The following LARGE1 variants were observed in gnomAD, a reference collection of about 807,000 sequenced individuals.
LARGE1 encodes the protein LARGE xylosyl- and glucuronyltransferase 1.
A neutral mutation model predicts 87.6 loss-of-function variants in LARGE1; 43 were observed. The observed-to-expected ratio is 0.49, with a 90% CI of 0.38 to 0.63. The LOEUF is 0.63. Among genes scored for constraint, LARGE1 ranks in the 30% least tolerant of loss-of-function variants. The pLI is 0.00. For missense variants in LARGE1, 802 were observed against 1,000.2 expected, an observed-to-expected ratio of 0.80 and a Z score of 2.67; for synonymous variants, 434 against 394.6, an observed-to-expected ratio of 1.10 and a Z score of -1.18.
chr22:33,864,952 T>G (rs910196133), intron 1 of LARGE1, among the ~76,000 whole-genome samples: 1 of 152,192 alleles, frequency 6.6e-6, no homozygotes, highest in African/African-American at 2.4e-5. Flanking sequence ...CTACTTCTGC[T>G]CCTGACCTGG....
the LARGE1 span, among the ~76,000 whole-genome samples, chr22:33,128,684 A>AAC: frequency 1.3e-5 from 1 of 78,440 alleles, no homozygotes; most frequent in Non-Finnish European, 2.9e-5. Context: ...CAAAAACAAA[A>AAC]AAAAAAAAAA....
At chr22:33,816,114 G>A (rs2086639839) in intron 1 of LARGE1, among the ~76,000 whole-genome samples, 1 of 152,136 alleles carries the variant, frequency 6.6e-6, no homozygotes, top group South Asian at 2.1e-4. Flanking sequence ...AAGAGTGATG[G>A]GAACTCCAGG....
In LARGE1 at chr22:33,754,262, C is replaced by T. The variant is rs190317509; in HGVS notation, c.106+7109G>A. Among the ~76,000 whole-genome samples, 36 of 152,282 alleles carry T rather than the reference C, an allele frequency of 2.4e-4. No individual in the cohort carries two copies. The East Asian group carries it at 6.2e-3, about 26-fold the overall frequency. Reference sequence around the variant, plus strand: ...GGCACTATTCAGAGCAGCCCACTTGCATGCTCACATTTTCATTTGTTGCAA... The same window carrying T: ...GGCACTATTCAGAGCAGCCCACTTGTATGCTCACATTTTCATTTGTTGCAA... On this transcript the variant is annotated intron_variant, in intron 2 of 14. Transcript: ENST00000397394.
At chr22:33,698,723 C>T (rs2082326136) in intron 2 of LARGE1, among the ~76,000 whole-genome samples, 1 of 152,210 alleles carries the variant, frequency 6.6e-6, no homozygotes, top group Non-Finnish European at 1.5e-5. Context: ...CAGCTGGCTT[C>T]CTTGCTGATC....
chr22:33,357,557 G>A (rs1941008906), intron 9 of LARGE1, among the ~76,000 whole-genome samples: 1 of 152,154 alleles, frequency 6.6e-6, no homozygotes, highest in East Asian at 1.9e-4. Context: ...CACTTTGGGA[G>A]GCTGAGTCAG....
At chr22:33,606,516 T>C (rs2148989709) in intron 4 of LARGE1, among the ~76,000 whole-genome samples, 1 of 152,170 alleles carries the variant, frequency 6.6e-6, no homozygotes, top group East Asian at 1.9e-4. Flanking sequence ...CTCTCGGCCG[T>C]CGGCATGGTC....
chr22:33,859,783 G>A (rs2063859497), intron 1 of LARGE1, among the ~76,000 whole-genome samples: 1 of 152,198 alleles, frequency 6.6e-6, no homozygotes, highest in Non-Finnish European at 1.5e-5. Context: ...GTGCTATGTG[G>A]CATACATATA....
chr22:33,255,385 G>A (rs1029732156), intron 11 of LARGE1, among the ~76,000 whole-genome samples: 1 of 152,180 alleles, frequency 6.6e-6, no homozygotes, highest in Non-Finnish European at 1.5e-5. Context: ...GGAACAACGC[G>A]TGGACACTCT....
chr22:33,640,086 G>A (rs768254946), intron 3 of LARGE1, among the ~76,000 whole-genome samples: 2 of 152,196 alleles, frequency 1.3e-5, no homozygotes, highest in East Asian at 1.9e-4. Context: ...GCCCTGCACC[G>A]TGACAGGATG....
At chr22:33,089,368 T>TCTTCTCCTC in the LARGE1 span, among the ~76,000 whole-genome samples, 699 of 78,272 alleles carry the variant, frequency 8.9e-3, 16 homozygotes, top group African/African-American at 0.028. Context: ...TTCTTCTTCT[T>TCTTCTCCTC]CTCCTTCTTC....
chr22:33,369,628 G>A (rs541985907), intron 9 of LARGE1, among the ~76,000 whole-genome samples: 2 of 152,202 alleles, frequency 1.3e-5, no homozygotes, highest in South Asian at 4.1e-4. Context: ...GCGGTGGCAC[G>A]ATCTAGGCTC....
chr22:33,700,131 GAC>G (rs1455459263), intron 2 of LARGE1, among the ~76,000 whole-genome samples: 1 of 152,106 alleles, frequency 6.6e-6, no homozygotes, highest in Non-Finnish European at 1.5e-5. Context: ...ATTCCTTAAG[GAC>G]AGTGGTTCTC....
chr22:33,486,200 C>G (rs1429038939), intron 6 of LARGE1, among the ~76,000 whole-genome samples: 1 of 152,212 alleles, frequency 6.6e-6, no homozygotes, highest in African/African-American at 2.4e-5. Context: ...CAGTTTCACA[C>G]TGATAGAAAT....
chr22:33,557,361 C>G (rs5749628), intron 6 of LARGE1, among the ~76,000 whole-genome samples: 3 of 152,110 alleles, frequency 2.0e-5, no homozygotes. Flanking sequence ...AATCAAAGCG[C>G]TAGTTTCTGA....
At position 33,709,828 on chromosome 22, in the gene LARGE1, T is replaced by C. The variant is rs142680164; in HGVS notation, c.106+51543A>G. ...TTTTGTACAGACGGGGGTTTTGCCA[T>C]GTTAGCCAGGCTGGTCTCAAACTCC... On this transcript the variant is annotated intron_variant, in intron 2 of 14. Transcript: ENST00000397394. 2.3e-3 allele frequency among the ~76,000 whole-genome samples: 346 copies of C among 151,910 alleles called. 2 individuals are homozygous for C. The highest frequency in any genetic ancestry group is 8.2e-3 in the African/African-American group (341 of 41,464).
chr22:33,323,554 G>C (rs1936948897), intron 10 of LARGE1, among the ~76,000 whole-genome samples: 1 of 152,182 alleles, frequency 6.6e-6, no homozygotes, highest in Non-Finnish European at 1.5e-5. Context: ...AATCAAATGA[G>C]ATGGTGGAAG....
chr22:33,325,052 C>A (rs114781749), intron 10 of LARGE1, among the ~76,000 whole-genome samples: 7,102 of 152,306 alleles, frequency 0.047, 287 homozygotes, highest in African/African-American at 0.12. Flanking sequence ...TAAGGTTATA[C>A]AATGCGCGAA....
intron 1 of LARGE1, among the ~76,000 whole-genome samples, chr22:33,764,651 G>A (rs1426245716): frequency 6.6e-6 from 1 of 152,130 alleles, no homozygotes; most frequent in Non-Finnish European, 1.5e-5. Context: ...CCAGCTACTT[G>A]GGAGTCTGAG....
Position 33,558,354 on chromosome 22 carries a change from A to T in LARGE1, c.787+6494T>A, listed in dbSNP as rs576694600. 5.9e-5 allele frequency among the ~76,000 whole-genome samples: 9 copies of T among 152,318 alleles called. No individual in the cohort carries two copies. In the East Asian group the frequency reaches 1.5e-3, roughly 26 times the overall value. On this transcript the variant is annotated intron_variant, in intron 6 of 14. Transcript: ENST00000397394. ...CAGGAAAGGAGATTTAAAGTCAAAT[A>T]AAAAGGGGCCAATGGGACAACACCA...
Sources: allele counts gnomAD v4.1 joint callset (sites outside exome capture counted in the v4.1 genomes callset), GRCh38; gene constraint gnomAD v4.1.1; transcripts MANE v1.5; gene names NCBI Gene and HGNC (gene_info 2026-07-23, HGNC 2026-07-21).